Variants in SEMA3A observed in about 807,000 individuals in gnomAD.
SEMA3A encodes semaphorin 3A, also known as semaphorin-3A.
In SEMA3A, 29 loss-of-function variants were observed where a neutral mutation model predicts 97.9. The ratio of observed to expected loss-of-function variants is 0.30; its 90% CI spans 0.22 to 0.40. SEMA3A has a LOEUF of 0.40. Ranked by LOEUF, SEMA3A falls within the 10% of genes least tolerant of loss-of-function variation. The probability of loss-of-function intolerance (pLI) is 1.00; values close to 1 mark genes in which losing one functional copy is unlikely to be tolerated. For synonymous variants in SEMA3A, 321 were observed against 323.7 expected (o/e 0.99, Z 0.09); for missense variants, 763 against 951.3 (o/e 0.80, Z 2.60).
At chr7:84,477,257 T>C (rs934391055) in intron 1 of SEMA3A, among the ~76,000 whole-genome samples, 5 of 150,040 alleles carry the variant, frequency 3.3e-5, no homozygotes, top group African/African-American at 1.2e-4. Flanking sequence ...TCCAATATGG[T>C]GAAACTCCGT....
chr7:83,974,294 A>C (rs1562948682), intron 15 of SEMA3A, among the ~76,000 whole-genome samples: 1 of 152,184 alleles, frequency 6.6e-6, no homozygotes, highest in Non-Finnish European at 1.5e-5. Context: ...TTTACATATA[A>C]GGGAGCAGAG....
intron 1 of SEMA3A, among the ~76,000 whole-genome samples, chr7:84,490,234 T>C (rs1322813208): frequency 6.7e-6 from 1 of 149,760 alleles, no homozygotes; most frequent in Admixed American, 6.6e-5. Flanking sequence ...CTGGAAAGAC[T>C]ATAACACCAC....
At chr7:84,335,198 T>A (rs1379631691) in intron 2 of SEMA3A, among the ~76,000 whole-genome samples, 2 of 152,154 alleles carry the variant, frequency 1.3e-5, no homozygotes, top group East Asian at 1.9e-4. Flanking sequence ...TTATTATGAA[T>A]GTTGGTTGCA....
chr7:84,033,327 C>G (rs1791824665), intron 6 of SEMA3A, among the ~76,000 whole-genome samples: 2 of 151,976 alleles, frequency 1.3e-5, no homozygotes, highest in Non-Finnish European at 2.9e-5. Flanking sequence ...AATTTAAAAG[C>G]AAAAATTTCT....
At chr7:84,438,961 C>T (rs6947640) in intron 1 of SEMA3A, among the ~76,000 whole-genome samples, 16,691 of 152,002 alleles carry the variant, frequency 0.11, 1,155 homozygotes, top group East Asian at 0.28. Flanking sequence ...TGTGTCTCAA[C>T]TGTGCAAAAG....
In SEMA3A at chr7:84,221,823, G is replaced by A. The variant is rs573666228; in HGVS notation, c.-82-27155C>T. 3.3e-5 allele frequency among the ~76,000 whole-genome samples: 5 copies of A among 152,040 alleles called. No homozygotes were observed. The East Asian group carries it at 9.7e-4, about 29-fold the overall frequency. ...CCATAACAAATATAATAATCTAAAA[G>A]TTTGAAATATTGCAAGAATTACCAA... On this transcript the variant is annotated intron_variant, in intron 3 of 3. Coordinates refer to the SEMA3A transcript ENST00000424555.
chr7:84,102,420 G>T (rs779771500), intron 4 of SEMA3A, among the ~76,000 whole-genome samples: 4 of 152,100 alleles, frequency 2.6e-5, no homozygotes, highest in Middle Eastern at 3.4e-3. Context: ...GTACTAACTG[G>T]ATGAGACATT....
chr7:84,091,229 AAGAAAGAAGGAAGGAAG>A, intron 4 of SEMA3A, among the ~76,000 whole-genome samples: 3 of 114,188 alleles, frequency 2.6e-5, no homozygotes, highest in Non-Finnish European at 6.2e-5. Context: ...AAAGAAAGAA[AAGAAAGAAGGAAGGAAG>A]GAAAGAACGA....
At chr7:84,002,237 G>GTAAAC (rs1418476598) in intron 11 of SEMA3A, among the ~76,000 whole-genome samples, 191 bp from the exon 12 acceptor site, 1 of 152,056 alleles carries the variant, frequency 6.6e-6, no homozygotes, top group Admixed American at 6.6e-5. Context: ...AAGTGTAAAG[G>GTAAAC]TAAACTATAA....
At chr7:83,965,776 G>A (rs937223033) in intron 15 of SEMA3A, among the ~76,000 whole-genome samples, 20 of 138,746 alleles carry the variant, frequency 1.4e-4, no homozygotes, top group African/African-American at 5.4e-4. Flanking sequence ...CGCCTCCCGG[G>A]TTCATGCCAT....
At chr7:83,997,724 AGATT>A (rs1380164556) in intron 12 of SEMA3A, among the ~76,000 whole-genome samples, 1 of 152,052 alleles carries the variant, frequency 6.6e-6, no homozygotes, top group Admixed American at 6.6e-5. Flanking sequence ...TAATTGTTAC[AGATT>A]GATAATGAAA....
chr7:84,301,524 A>G lies in SEMA3A; in HGVS notation c.-83+5683T>C, dbSNP rs1302734629. Among the ~76,000 whole-genome samples, 3 of 152,178 alleles carry G rather than the reference A, an allele frequency of 2.0e-5. No homozygotes were observed. The East Asian group carries it at 5.8e-4, about 29-fold the overall frequency. On this transcript the variant is annotated intron_variant, in intron 3 of 3. Transcript: ENST00000424555. Reference sequence around the variant, plus strand: ...TCAGTTATCAGACATATGCAAATTAAAGACCTATTTGGATAGCACCACATA... The same window carrying G: ...TCAGTTATCAGACATATGCAAATTAGAGACCTATTTGGATAGCACCACATA...
At chr7:84,458,787 A>G (rs1805749967) in intron 1 of SEMA3A, among the ~76,000 whole-genome samples, 1 of 152,082 alleles carries the variant, frequency 6.6e-6, no homozygotes, top group Non-Finnish European at 1.5e-5. Context: ...CATCACTTCA[A>G]ATATTTATTT....
chr7:84,252,494 A>C (rs936843152), intron 3 of SEMA3A, among the ~76,000 whole-genome samples: 1 of 152,216 alleles, frequency 6.6e-6, no homozygotes, highest in Non-Finnish European at 1.5e-5. Flanking sequence ...CATTGTTGAA[A>C]GTGAAGTCTC....
chr7:84,053,124 T>G (rs201294434), intron 5 of SEMA3A, among the ~76,000 whole-genome samples: 1 of 135,442 alleles, frequency 7.4e-6, no homozygotes, highest in Non-Finnish European at 1.7e-5. Context: ...AGGAGAGCTT[T>G]ACTTCCAACT....
intron 1 of SEMA3A, among the ~76,000 whole-genome samples, chr7:84,149,939 AG>A (rs1286404743): frequency 1.3e-5 from 2 of 152,218 alleles, no homozygotes; most frequent in Non-Finnish European, 2.9e-5. Context: ...GTGAGCAACC[AG>A]AAGAGTCATG....
chr7:83,979,150 TC>T (rs1453348119), intron 14 of SEMA3A, among the ~76,000 whole-genome samples: 27 of 151,582 alleles, frequency 1.8e-4, no homozygotes, highest in Admixed American at 4.6e-4. Flanking sequence ...TTTTTTTTTT[TC>T]GAGACAGAGT....
chr7:84,144,791 A>G (rs775732164), intron 1 of SEMA3A, among the ~76,000 whole-genome samples: 8 of 152,156 alleles, frequency 5.3e-5, no homozygotes, highest in Non-Finnish European at 1.0e-4. Context: ...TAACAATAAC[A>G]ACTTCTTAAT....
At chr7:84,150,348 A>G (rs1199387099) in intron 1 of SEMA3A, among the ~76,000 whole-genome samples, 1 of 152,124 alleles carries the variant, frequency 6.6e-6, no homozygotes, top group African/African-American at 2.4e-5. Flanking sequence ...CTCACTGGGG[A>G]GTGCCAGACA....
Sources: allele counts gnomAD v4.1 joint callset (sites outside exome capture counted in the v4.1 genomes callset), GRCh38; gene constraint gnomAD v4.1.1; transcripts MANE v1.5; gene names NCBI Gene and HGNC (gene_info 2026-07-23, HGNC 2026-07-21).